The following TUBA3C variants were observed in gnomAD, a reference collection of about 807,000 sequenced individuals.
TUBA3C encodes tubulin alpha-3C chain.
TUBA3C carries 23 observed loss-of-function variants against 33.4 expected under a neutral mutation model. The ratio of observed to expected loss-of-function variants is 0.69; its 90% CI spans 0.50 to 0.98. The LOEUF (loss-of-function observed/expected upper bound fraction) is 0.98. Ranked by LOEUF, TUBA3C falls within the 50% of genes least tolerant of loss-of-function variation. The pLI is 0.00. For missense variants in TUBA3C, 402 were observed against 616.0 expected (o/e 0.65, Z 3.68); for synonymous variants, 269 against 250.4 (o/e 1.07, Z -0.70).
rs763366958 is a variant in TUBA3C, at chr13:19,177,421, T to C, written c.562A>G (p.Ile188Val). ...STAVVEPYNS[I>V]LTTHTTLEHS... ...TCCAGGGTCGTGTGGGTGGTCAGGA[T>C]GGAGTTGTAGGGCTCCACCACGGCC... The change falls in exon 4 of 5, where the codon ATC becomes GTC. Residue 188 changes from isoleucine (I) to valine (V), a missense_variant. Coordinates refer to ENST00000400113, the MANE Select transcript of TUBA3C (RefSeq NM_006001.3). The surrounding 1 kb of genome is among the most constrained non-coding windows in gnomAD (Gnocchi z 5.0). The C allele has an allele frequency of 1.4e-5, 22 of 1,614,044 alleles. No individual in the cohort carries two copies. The South Asian group carries it at 2.2e-4, about 16-fold the overall frequency.
At chr13:19,174,788 T>C (rs1434012585) in intron 4 of TUBA3C, among the ~76,000 whole-genome samples, 1 of 152,092 alleles carries the variant, frequency 6.6e-6, no homozygotes, top group Non-Finnish European at 1.5e-5. Flanking sequence ...GGCAAGACCC[T>C]GTCTCTACCA....
At chr13:19,180,770 C>T (rs1371251360) in intron 1 of TUBA3C, among the ~76,000 whole-genome samples, 3 of 151,932 alleles carry the variant, frequency 2.0e-5, no homozygotes, top group Non-Finnish European at 4.4e-5. Flanking sequence ...GCTGGGATTA[C>T]AGGCGTGAGC....
In TUBA3C at chr13:19,177,242, G is replaced by T. The variant is rs754144117; in HGVS notation, c.741C>A (p.Ala247=). Reference sequence around the variant, plus strand: ...GGAATTCCGTCAAGTCCACATTCAGGGCCCCGTCAAATCGCAGGGAGGCCG... The same window carrying T: ...GGAATTCCGTCAAGTCCACATTCAGTGCCCCGTCAAATCGCAGGGAGGCCG... The part of the protein sequence containing the change: ...SITASLRFDG[A]LNVDLTEFQT... The change falls in exon 4 of 5, where the codon GCC becomes GCA. Residue 247 remains alanine (A), a synonymous_variant. Coordinates refer to ENST00000400113, the MANE Select transcript of TUBA3C (RefSeq NM_006001.3). The surrounding 1 kb of genome is among the most constrained non-coding windows in gnomAD (Gnocchi z 5.0). 6.2e-6 allele frequency: 10 copies of T among 1,614,100 alleles called. No individual in the cohort carries two copies. The East Asian group carries it at 2.0e-4, about 32-fold the overall frequency.
At chr13:19,179,590 C>T (rs9511925) in intron 1 of TUBA3C, 27 bp from the exon 2 acceptor site, 87,821 of 1,601,544 alleles carry the variant, frequency 0.055, 2,796 homozygotes, top group Middle Eastern at 0.071. Context: ...AAATGTAGAC[C>T]CATTCATTTC....
chr13:19,180,662 AT>A (rs1157509696), intron 1 of TUBA3C, among the ~76,000 whole-genome samples: 6 of 151,682 alleles, frequency 4.0e-5, no homozygotes, highest in Non-Finnish European at 7.4e-5. Flanking sequence ...TGCCCAACTA[AT>A]TTTTTGTATT....
In TUBA3C at chr13:19,174,091, C is replaced by T. The variant is rs1593259647; in HGVS notation, c.1125G>A (p.Val375=). The change falls in exon 5 of 5, where the codon GTG becomes GTA. Residue 375 remains valine (V), a synonymous_variant. Transcript: ENST00000400113. ...TGGCCGTGGTGTTGCTCAGCATGCA[C>T]ACAGCCCGCTGCACCTTGGCCAGGT... ...GGDLAKVQRA[V]CMLSNTTAIA... 1.2e-6 allele frequency: 2 copies of T among 1,613,904 alleles called. No individual in the cohort carries two copies. The highest frequency in any genetic ancestry group is 2.2e-5 in the East Asian group (1 of 44,736).
At position 19,173,832 on chromosome 13, in the gene TUBA3C, A is replaced by G. The variant is rs777712724; in HGVS notation, c.*31T>C. 5 of 1,591,756 alleles carry G rather than the reference A, an allele frequency of 3.1e-6. 1 individual carries two copies. The African/African-American group carries it at 6.7e-5, about 21-fold the overall frequency. ...TGAAAGCAGCCACGCTGGGGGTGGC[A>G]GTGGAGTGGAGAACCCACCACACCC... On this transcript the variant is annotated 3_prime_UTR_variant, in exon 5 of 5. Coordinates refer to ENST00000400113, the MANE Select transcript of TUBA3C (RefSeq NM_006001.3).
In TUBA3C at chr13:19,177,206, T is replaced by G. The variant is rs1321930646; in HGVS notation, c.777A>C (p.Leu259=). Residue 259 remains leucine, a synonymous_variant, in exon 4 of 5, where the codon CTA becomes CTC. Coordinates refer to ENST00000400113, the MANE Select transcript of TUBA3C (RefSeq NM_006001.3). The surrounding 1 kb of genome is among the most constrained non-coding windows in gnomAD (Gnocchi z 5.0). ...GGAAGTGGATGCGGGGGTACGGCAC[T>G]AGGTTGGTCTGGAATTCCGTCAAGT... ...NVDLTEFQTN[L]VPYPRIHFPL... 3 of 1,613,828 alleles carry G rather than the reference T, an allele frequency of 1.9e-6. No homozygotes were observed. The highest frequency in any genetic ancestry group is 2.7e-5 in the African/African-American group (2 of 74,838).
At chr13:19,174,569 T>G (rs2774494) in intron 4 of TUBA3C, among the ~76,000 whole-genome samples, 75,818 of 151,832 alleles carry the variant, frequency 0.5, 19,674 homozygotes, top group Non-Finnish European at 0.57. Flanking sequence ...GTAGGTGGTG[T>G]ATATATTTTA....
At position 19,176,942 on chromosome 13, in the gene TUBA3C, G is replaced by T; in HGVS notation, c.1041C>A (p.Cys347Ter). The change falls in exon 4 of 5, where the codon TGC becomes TGA. Residue 347 changes from cysteine (C) to a stop codon, truncating the protein, a stop_gained. Coordinates refer to ENST00000400113, the MANE Select transcript of TUBA3C (RefSeq NM_006001.3). LOFTEE classifies it high-confidence loss of function. Reference protein sequence around the residue: ...TKRTIQFVDWCPTGFKVGINY... With the variant: ...TKRTIQFVDW ...CCAGTCATACCTTAAATCCAGTTGGGCACCAATCTACAAACTGGATGGTGC... is the reference window on the plus strand; with the variant it reads ...CCAGTCATACCTTAAATCCAGTTGGTCACCAATCTACAAACTGGATGGTGC... The T allele has an allele frequency of 6.2e-7, 1 of 1,613,612 alleles. No individual in the cohort carries two copies.
intron 4 of TUBA3C, among the ~76,000 whole-genome samples, chr13:19,176,621 G>A (rs1024573303): frequency 1.3e-5 from 2 of 149,640 alleles, no homozygotes; most frequent in African/African-American, 2.5e-5. Context: ...GGGTGTGGTG[G>A]TGGGTGCCTG....
At chr13:19,176,589 A>G (rs1024534567) in intron 4 of TUBA3C, among the ~76,000 whole-genome samples, 1 of 151,952 alleles carries the variant, frequency 6.6e-6, no homozygotes, top group Non-Finnish European at 1.5e-5. Context: ...CCCTGTTTCT[A>G]CTAAAAATAT....
At chr13:19,179,636 AT>A in intron 1 of TUBA3C, 73 bp from the exon 2 acceptor site, 4 of 1,488,424 alleles carry the variant, frequency 2.7e-6, no homozygotes, top group Non-Finnish European at 2.7e-6. Context: ...GCAAAATATT[AT>A]AATTTAATAT....
At chr13:19,176,485 G>A (rs532148521) in intron 4 of TUBA3C, among the ~76,000 whole-genome samples, 49 of 152,044 alleles carry the variant, frequency 3.2e-4, no homozygotes, top group African/African-American at 1.2e-3. Context: ...CAGGCACAGT[G>A]GCTCACGCCT....
In TUBA3C at chr13:19,176,878, G is replaced by A. The variant is rs766179539; in HGVS notation, c.1056+49C>T. On this transcript the variant is annotated intron_variant, in intron 4 of 4. Coordinates refer to ENST00000400113, the MANE Select transcript of TUBA3C (RefSeq NM_006001.3). ...CTTCAGGGGCAGCATTACTCTGTGT[G>A]TCTGTTGCTTGCTGAAAGGTACAAG... is the stretch of plus-strand genomic sequence containing the variant. 29 of 1,587,826 alleles carry A rather than the reference G, an allele frequency of 1.8e-5. No homozygotes were observed. The South Asian group carries it at 2.8e-4, about 15-fold the overall frequency.
At chr13:19,174,227 C>T in intron 4 of TUBA3C, 68 bp from the exon 5 acceptor site, 1 of 1,532,116 alleles carries the variant, frequency 6.5e-7, no homozygotes, top group Non-Finnish European at 8.8e-7. Flanking sequence ...GCTGCTTTTC[C>T]TCAAAAAGAA....
intron 1 of TUBA3C, among the ~76,000 whole-genome samples, 171 bp from the exon 2 acceptor site, chr13:19,179,734 T>G (rs1869336353): frequency 6.6e-6 from 1 of 152,012 alleles, no homozygotes. Flanking sequence ...CTGTGAAAAC[T>G]TACTTGCTCT....
chr13:19,181,603 C>G lies in TUBA3C; in HGVS notation c.3+142G>C, dbSNP rs527962646. The G allele has an allele frequency of 2.4e-6, 3 of 1,224,712 alleles. No homozygotes were observed. In the Admixed American group the frequency reaches 5.8e-5, roughly 24 times the overall value. The allele number at this position is 1,224,712 out of a possible 1,614,324, so 75.9% of individuals were successfully genotyped here. On this transcript the variant is annotated intron_variant, in intron 1 of 4. Coordinates refer to ENST00000400113, the MANE Select transcript of TUBA3C (RefSeq NM_006001.3). The stretch of plus-strand genomic sequence containing the variant: ...CAGACGATGCCGTGTCCTCGTGTCC[C>G]GCCCTGGGCCCCGCATCCTTCTCTG...
At chr13:19,175,642 C>A (rs1869152014) in intron 4 of TUBA3C, among the ~76,000 whole-genome samples, 2 of 152,194 alleles carry the variant, frequency 1.3e-5, no homozygotes, top group African/African-American at 4.8e-5. Flanking sequence ...ACACAGCCAC[C>A]ACACCCCTTC....
Sources: gnomAD v4.1 joint callset for allele counts (sites outside exome capture counted in the v4.1 genomes callset) on GRCh38, gnomAD v4.1.1 for gene constraint, Gnocchi (gnomAD v3.1) non-coding constraint, MANE v1.5 for transcripts, NCBI Gene and HGNC (gene_info 2026-07-23, HGNC 2026-07-21) for gene names.